Variants in PDE8B observed in about 807,000 individuals in gnomAD.
PDE8B encodes high affinity cAMP-specific and IBMX-insensitive 3',5'-cyclic phosphodiesterase 8B.
In PDE8B, 26 loss-of-function variants were observed where a neutral mutation model predicts 101.3. The ratio of observed to expected loss-of-function variants is 0.26; its 90% CI spans 0.19 to 0.36. The LOEUF is 0.36. Ranked by LOEUF, PDE8B falls within the 10% of genes least tolerant of loss-of-function variation. PDE8B has a pLI of 1.00. For synonymous variants in PDE8B, 424 were observed against 429.3 expected (o/e 0.99, Z 0.15); for missense variants, 810 against 1,163.1 (o/e 0.70, Z 4.42).
At chr5:77,268,049 A>G (rs77400056) in intron 1 of PDE8B, among the ~76,000 whole-genome samples, 1 of 151,860 alleles carries the variant, frequency 6.6e-6, no homozygotes, top group Admixed American at 6.6e-5. Context: ...AAAAAAAAAA[A>G]GAAAACCAAA....
the PDE8B span, chr5:77,143,982 C>T: frequency 4.7e-5 from 7 of 149,864 alleles, no homozygotes; most frequent in African/African-American, 9.9e-5. Context: ...GGTCCAAGAA[C>T]AGAAAATGTT....
At chr5:77,250,662 AG>A (rs1271928552) in intron 1 of PDE8B, among the ~76,000 whole-genome samples, 1 of 152,144 alleles carries the variant, frequency 6.6e-6, no homozygotes. Flanking sequence ...GTCCACAATC[AG>A]GGTGAGGTGT....
In PDE8B at chr5:77,424,053, A is replaced by G. The variant is rs114585883; in HGVS notation, c.2419-1714A>G. On this transcript the variant is annotated intron_variant, in intron 20 of 21. Coordinates refer to ENST00000264917, the MANE Select transcript of PDE8B (RefSeq NM_003719.5). ...TCTGGGAAGAGAGCCTCTGAATTGA[A>G]GAAAAGTAGGACAGGTAGTTCTGAG... 5.1e-3 allele frequency among the ~76,000 whole-genome samples: 775 copies of G among 152,280 alleles called. 6 individuals carry two copies. The highest frequency in any genetic ancestry group is 0.02 in the Middle Eastern group (6 of 294).
At chr5:77,139,344 G>A in the PDE8B span, 1 of 152,238 alleles carries the variant, frequency 6.6e-6, no homozygotes, top group African/African-American at 2.4e-5. Context: ...TCAAGCCCAA[G>A]AGAACCTCTC....
chr5:77,203,370 C>T, the PDE8B span, among the ~76,000 whole-genome samples: 21 of 152,288 alleles, frequency 1.4e-4, no homozygotes, highest in Admixed American at 7.2e-4. Context: ...CAAATGTTAA[C>T]GCAATTCTCT....
intron 5 of PDE8B, among the ~76,000 whole-genome samples, chr5:77,334,049 A>G (rs1485447169): frequency 6.6e-6 from 1 of 152,242 alleles, no homozygotes; most frequent in Non-Finnish European, 1.5e-5. Flanking sequence ...ACTGTGGCAC[A>G]CCATCAGCTG....
chr5:77,129,831 T>C, the PDE8B span, among the ~76,000 whole-genome samples: 1 of 152,200 alleles, frequency 6.6e-6, no homozygotes, highest in African/African-American at 2.4e-5. Flanking sequence ...TCTACACTGT[T>C]TGACGTGCAC....
the PDE8B span, among the ~76,000 whole-genome samples, chr5:77,097,685 TTATATATCTATATATATATATCTATA>T: frequency 1.1e-3 from 20 of 18,144 alleles, 1 homozygote; most frequent in East Asian, 0.027. Flanking sequence ...TGTGGAGATT[TTATATATCTATATATATATATCTATA>T]TATATATATA....
intron 1 of PDE8B, among the ~76,000 whole-genome samples, chr5:77,296,655 T>G (rs1768648932): frequency 6.6e-6 from 1 of 152,168 alleles, no homozygotes; most frequent in Non-Finnish European, 1.5e-5. Flanking sequence ...CGTGTTGAAT[T>G]TTATCAAAGT....
the PDE8B span, among the ~76,000 whole-genome samples, chr5:77,170,947 G>T: frequency 1.3e-5 from 2 of 152,202 alleles, no homozygotes; most frequent in African/African-American, 2.4e-5. Flanking sequence ...TAAACAAAAA[G>T]ATGTAAGACA....
rs1244841415 is a variant in PDE8B, at chr5:77,240,148, ATTTGT to A, written c.339+28904_339+28908del. Among the ~76,000 whole-genome samples the A allele has an allele frequency of 5.9e-5, 9 of 151,738 alleles. No homozygotes were observed. The South Asian group carries it at 1.7e-3, about 28-fold the overall frequency. On this transcript the variant is annotated intron_variant, in intron 1 of 21. Transcript: ENST00000264917. ...AGAGTTTTTTGAAAGGGCAATTTAA[ATTTGT>A]TTTGTTTTGTTTTGTTTTGAGATGG...
chr5:77,349,264 C>T (rs1215616205), intron 7 of PDE8B, among the ~76,000 whole-genome samples, 155 bp from the exon 8 acceptor site: 2 of 152,158 alleles, frequency 1.3e-5, no homozygotes, highest in Non-Finnish European at 2.9e-5. Context: ...GGCAGCAGGA[C>T]CTGGCCAGCT....
chr5:77,145,024 T>G, the PDE8B span: 2 of 152,120 alleles, frequency 1.3e-5, no homozygotes, highest in Non-Finnish European at 2.9e-5. Flanking sequence ...TTAACAAATG[T>G]GACATTTTCC....
At chr5:77,247,355 T>G (rs1757156107) in intron 1 of PDE8B, among the ~76,000 whole-genome samples, 1 of 152,176 alleles carries the variant, frequency 6.6e-6, no homozygotes, top group African/African-American at 2.4e-5. Context: ...GGCACTGCAG[T>G]CACGCAGGGT....
chr5:77,408,821 C>A, intron 13 of PDE8B, 72 bp from the exon 14 acceptor site: 2 of 1,213,538 alleles, frequency 1.6e-6, no homozygotes, highest in Non-Finnish European at 2.5e-6. Context: ...CTTTTGGATT[C>A]TGGGCATATA....
At position 77,210,776 on chromosome 5, in the gene PDE8B, G is replaced by A; in HGVS notation, c.-150G>A. 1.0e-6 allele frequency: 1 copy of A among 982,888 alleles called. No individual in the cohort carries two copies. Among genetic ancestry groups the A allele is most frequent in the Non-Finnish European group, 1.2e-6 (1 of 829,606 alleles). The allele number at this position is 982,888 out of a possible 1,614,324, so 60.9% of individuals were successfully genotyped here. On this transcript the variant is annotated 5_prime_UTR_variant, in exon 1 of 22. Coordinates refer to ENST00000264917, the MANE Select transcript of PDE8B (RefSeq NM_003719.5). The surrounding 1 kb of genome is among the most constrained non-coding windows in gnomAD (Gnocchi z 4.9). Reference sequence around the variant, plus strand: ...CCGGAGGCTCGGCGGGGGGCACCGCGGCCAGCCCGACGGAGCGGCGGACAC... The same window carrying A: ...CCGGAGGCTCGGCGGGGGGCACCGCAGCCAGCCCGACGGAGCGGCGGACAC...
At chr5:77,256,868 A>T (rs149545738) in intron 1 of PDE8B, among the ~76,000 whole-genome samples, 1 of 152,336 alleles carries the variant, frequency 6.6e-6, no homozygotes, top group Non-Finnish European at 1.5e-5. Flanking sequence ...CTAAAAATTT[A>T]CTTTACCAGA....
rs757466723 is a variant in PDE8B, at chr5:77,413,118, G to T, written c.1720G>T (p.Val574Phe). The T allele has an allele frequency of 6.2e-6, 10 of 1,613,780 alleles. No individual in the cohort carries two copies. Among genetic ancestry groups the T allele is most frequent in the Non-Finnish European group, 8.5e-6 (10 of 1,179,852 alleles). Residue 574 changes from valine to phenylalanine, a missense_variant, in exon 17 of 22, where the codon GTT becomes TTT. Val to Phe is a conservative substitution (Grantham distance 50). This residue lies in a region of PDE8B where 325 missense variants were observed against 560.9 expected (regional missense o/e 0.58). Coordinates refer to ENST00000264917, the MANE Select transcript of PDE8B (RefSeq NM_003719.5). ...LEAITHKRPL[V>F]YLGLKVFSRF... ...GGTTTTCCTATTTTTCAGGCCATTG[G>T]TTTATCTGGGCTTAAAGGTCTTCTC...
At chr5:77,183,267 G>C in the PDE8B span, among the ~76,000 whole-genome samples, 1 of 151,852 alleles carries the variant, frequency 6.6e-6, no homozygotes, top group East Asian at 1.9e-4. Flanking sequence ...CTACAGGTGC[G>C]CACCACCAGG....
Sources: allele counts gnomAD v4.1 joint callset (sites outside exome capture counted in the v4.1 genomes callset), GRCh38; gene constraint gnomAD v4.1.1; regional missense constraint gnomAD v4.1.1; non-coding constraint Gnocchi (gnomAD v3.1); transcripts MANE v1.5; gene names NCBI Gene and HGNC (gene_info 2026-07-23, HGNC 2026-07-21).